Variants in CERS6 observed in about 807,000 individuals in gnomAD.
CERS6 encodes the protein LAG1 homolog, ceramide synthase 6.
CERS6 carries 26 observed loss-of-function variants against 56.8 expected under a neutral mutation model. That is an observed-to-expected ratio of 0.46 (90% CI 0.34 to 0.63). CERS6 has a LOEUF of 0.63. Among genes scored for constraint, CERS6 ranks in the 30% least tolerant of loss-of-function variants. CERS6 has a pLI of 0.01. For missense variants in CERS6, 415 were observed against 467.5 expected (o/e 0.89, Z 1.04); for synonymous variants, 164 against 173.3 (o/e 0.95, Z 0.42).
intron 4 of CERS6, among the ~76,000 whole-genome samples, chr2:168,648,411 T>C (rs567275142): frequency 1.3e-5 from 2 of 152,244 alleles, no homozygotes; most frequent in South Asian, 4.1e-4. Flanking sequence ...ATCTTCTCTT[T>C]TGTTTTCTTT....
At chr2:168,713,670 T>G (rs772119180) in intron 6 of CERS6, among the ~76,000 whole-genome samples, 1 of 152,110 alleles carries the variant, frequency 6.6e-6, no homozygotes, top group Non-Finnish European at 1.5e-5. Context: ...TTTTCTAATG[T>G]CTATGGACAG....
Position 168,547,669 on chromosome 2 carries a change from A to G in CERS6, c.244A>G (p.Ile82Val), listed in dbSNP as rs755112390. The G allele has an allele frequency of 3.1e-6, 5 of 1,613,314 alleles. No homozygotes were observed. Among genetic ancestry groups the G allele is most frequent in the Non-Finnish European group, 3.4e-6 (4 of 1,179,322 alleles). Residue 82 changes from isoleucine (I) to valine (V), a missense_variant, in exon 2 of 10, where the codon ATT becomes GTT. By Grantham distance (29) the Ile-to-Val change is conservative. Coordinates refer to ENST00000305747, the MANE Select transcript of CERS6 (RefSeq NM_203463.3). ...NGPQIAPPNA[I>V]LEKVFTAITK... ...ACCACAAATTGCTCCGCCCAATGCC[A>G]TTCTGGAAAAGGTCTTCACTGCAAT... is the stretch of plus-strand genomic sequence containing the variant.
chr2:168,587,421 T>C (rs1223746382), intron 3 of CERS6, among the ~76,000 whole-genome samples: 1 of 152,194 alleles, frequency 6.6e-6, no homozygotes, highest in African/African-American at 2.4e-5. Context: ...TTTGATGATG[T>C]GTTGGTTACA....
At chr2:168,585,069 T>G (rs1200818874) in intron 3 of CERS6, among the ~76,000 whole-genome samples, 1 of 152,248 alleles carries the variant, frequency 6.6e-6, no homozygotes, top group Non-Finnish European at 1.5e-5. Context: ...AACAGGTGGT[T>G]GATTCTTCCA....
At position 168,669,523 on chromosome 2, in the gene CERS6, AGAG is replaced by A. The variant is rs1382111170; in HGVS notation, c.466-21502_466-21500del. Reference sequence around the variant, plus strand: ...GAGAATGATGTTGGTGTAGGCAATTAGAGGAGGAGGACAAGCAGCTCTGCTCAA... The same window carrying A: ...GAGAATGATGTTGGTGTAGGCAATTAGAGGAGGACAAGCAGCTCTGCTCAA... On this transcript the variant is annotated intron_variant, in intron 4 of 9. Coordinates refer to ENST00000305747, the MANE Select transcript of CERS6 (RefSeq NM_203463.3). Among the ~76,000 whole-genome samples the A allele has an allele frequency of 5.9e-5, 9 of 152,316 alleles. No homozygotes were observed. The South Asian group carries it at 1.9e-3, about 32-fold the overall frequency.
At chr2:168,606,725 A>T (rs1175842820) in intron 3 of CERS6, among the ~76,000 whole-genome samples, 2 of 152,168 alleles carry the variant, frequency 1.3e-5, no homozygotes, top group African/African-American at 4.8e-5. Flanking sequence ...TCTCATACTG[A>T]TATGTAATCC....
intron 3 of CERS6, among the ~76,000 whole-genome samples, chr2:168,630,503 T>C (rs1190202239): frequency 6.6e-6 from 1 of 152,196 alleles, no homozygotes. Flanking sequence ...TATGCCTTCC[T>C]TTAGCAACAT....
chr2:168,510,861 A>G (rs1412963105), intron 1 of CERS6, among the ~76,000 whole-genome samples: 1 of 152,228 alleles, frequency 6.6e-6, no homozygotes, highest in Non-Finnish European at 1.5e-5. Flanking sequence ...ATTTTATAAA[A>G]GGTAAAATAA....
At chr2:168,478,359 A>G (rs988641488) in intron 1 of CERS6, among the ~76,000 whole-genome samples, 3 of 152,130 alleles carry the variant, frequency 2.0e-5, no homozygotes, top group African/African-American at 4.8e-5. Context: ...GAGAGCAGTC[A>G]CCTGGTTTCG....
chr2:168,680,419 G>A (rs535123558), intron 4 of CERS6, among the ~76,000 whole-genome samples: 15 of 152,304 alleles, frequency 9.8e-5, no homozygotes, highest in Admixed American at 7.2e-4. Flanking sequence ...TGGAGAAATG[G>A]CTTGGTCCAT....
intron 3 of CERS6, among the ~76,000 whole-genome samples, chr2:168,620,011 C>CCACA (rs1491366442): frequency 0.064 from 2,381 of 37,004 alleles, 93 homozygotes; most frequent in South Asian, 0.11. Context: ...GTTCCACAAT[C>CCACA]CATACACACA....
intron 2 of CERS6, among the ~76,000 whole-genome samples, chr2:168,551,306 C>T (rs1453049395): frequency 6.6e-6 from 1 of 152,158 alleles, no homozygotes; most frequent in South Asian, 2.1e-4. Flanking sequence ...CTCTCCTCCC[C>T]CATCCCCTGT....
intron 4 of CERS6, among the ~76,000 whole-genome samples, chr2:168,669,185 C>T (rs1375219485): frequency 6.6e-6 from 1 of 152,242 alleles, no homozygotes; most frequent in Non-Finnish European, 1.5e-5. Context: ...TGCTCTACCA[C>T]ATTGGTACAC....
intron 3 of CERS6, among the ~76,000 whole-genome samples, chr2:168,584,974 G>A (rs947580581): frequency 6.6e-6 from 1 of 152,242 alleles, no homozygotes; most frequent in African/African-American, 2.4e-5. Context: ...CATTGAAAGA[G>A]ATGGCAGAAA....
chr2:168,470,997 CTTT>C (rs386652522), intron 1 of CERS6, among the ~76,000 whole-genome samples: 15,569 of 152,168 alleles, frequency 0.1, 959 homozygotes, highest in East Asian at 0.18. Context: ...GGTCTCTAAG[CTTT>C]AAACAGGCTT....
At chr2:168,761,617 T>A (rs926317701) in intron 8 of CERS6, among the ~76,000 whole-genome samples, 1 of 152,182 alleles carries the variant, frequency 6.6e-6, no homozygotes, top group Non-Finnish European at 1.5e-5. Flanking sequence ...CTTCTTCATA[T>A]TTATTGGATT....
intron 1 of CERS6, among the ~76,000 whole-genome samples, chr2:168,538,635 T>C (rs963318698): frequency 6.6e-6 from 1 of 152,206 alleles, no homozygotes; most frequent in African/African-American, 2.4e-5. Flanking sequence ...TTGGTTTATT[T>C]TTAATCTCCC....
At chr2:168,582,890 G>C (rs1168625378) in intron 3 of CERS6, 1 of 154,372 alleles carries the variant, frequency 6.5e-6, no homozygotes, top group Non-Finnish European at 1.5e-5. Context: ...TTATGGTATA[G>C]AGGGGCCTTG....
intron 3 of CERS6, among the ~76,000 whole-genome samples, chr2:168,593,503 C>T (rs1045949919): frequency 1.3e-5 from 2 of 151,232 alleles, no homozygotes; most frequent in Non-Finnish European, 2.9e-5. Flanking sequence ...TCACTTGCCT[C>T]TTTCCAACTT....
Sources: allele counts gnomAD v4.1 joint callset (sites outside exome capture counted in the v4.1 genomes callset), GRCh38; gene constraint gnomAD v4.1.1; transcripts MANE v1.5; gene names NCBI Gene and HGNC (gene_info 2026-07-23, HGNC 2026-07-21).